Variants in MAGI2 observed in about 807,000 individuals in gnomAD.
MAGI2 encodes membrane-associated guanylate kinase, WW and PDZ domain-containing protein 2.
Under a neutral mutation model 133.3 loss-of-function variants are expected in MAGI2, and 35 were observed. The observed-to-expected ratio is 0.26, with a 90% CI of 0.20 to 0.35. The LOEUF is 0.35. MAGI2 is among the 10% of genes least tolerant of loss of function. MAGI2 has a pLI of 1.00. For missense variants in MAGI2, 1,636 were observed against 1,863.4 expected, an observed-to-expected ratio of 0.88 and a Z score of 2.25; for synonymous variants, 729 against 710.6, an observed-to-expected ratio of 1.03 and a Z score of -0.41.
In MAGI2 at chr7:78,655,750, G is replaced by A. The variant is rs528135226; in HGVS notation, c.419-28511C>T. Among the ~76,000 whole-genome samples, 63 of 152,202 alleles carry A rather than the reference G, an allele frequency of 4.1e-4. 2 individuals carry two copies. In the South Asian group the frequency reaches 0.012, roughly 29 times the overall value. Reference sequence around the variant, plus strand: ...TAATCCCAGCACTTTGGGAGGCCGAGGCGGGCGGATCACGAGGTCAGGAGA... The same window carrying A: ...TAATCCCAGCACTTTGGGAGGCCGAAGCGGGCGGATCACGAGGTCAGGAGA... On this transcript the variant is annotated intron_variant, in intron 2 of 21. Transcript: ENST00000354212.
rs567544279 is a variant in MAGI2, at chr7:79,200,477, G to A, written c.302-193271C>T. Among the ~76,000 whole-genome samples, 31 of 151,142 alleles carry A rather than the reference G, an allele frequency of 2.1e-4. No homozygotes were observed. The East Asian group carries it at 5.5e-3, about 27-fold the overall frequency. ...AAAAAAAAAATTAGCCAGATTTGGT[G>A]ACCCACACCTGTTGTCCCACCTACT... is the stretch of plus-strand genomic sequence containing the variant. On this transcript the variant is annotated intron_variant, in intron 1 of 21. Transcript: ENST00000354212.
chr7:78,847,529 T>C (rs547460738), intron 2 of MAGI2, among the ~76,000 whole-genome samples: 2 of 152,140 alleles, frequency 1.3e-5, no homozygotes, highest in South Asian at 4.1e-4. Context: ...GCAAAGTATG[T>C]GAACTGAGCC....
intron 2 of MAGI2, among the ~76,000 whole-genome samples, chr7:78,826,327 T>G (rs908939870): frequency 1.3e-4 from 17 of 134,182 alleles, no homozygotes; most frequent in Non-Finnish European, 2.1e-4. Context: ...GCACTCAGCC[T>G]AGGCGACAGA....
At chr7:78,082,502 T>C (rs80207242) in intron 20 of MAGI2, among the ~76,000 whole-genome samples, 5,176 of 152,214 alleles carry the variant, frequency 0.034, 307 homozygotes, top group African/African-American at 0.12. Flanking sequence ...CGGCTTTCCA[T>C]GTAGGGTCCC....
intron 2 of MAGI2, among the ~76,000 whole-genome samples, chr7:78,889,094 G>T (rs987773258): frequency 6.6e-6 from 1 of 152,158 alleles, no homozygotes; most frequent in African/African-American, 2.4e-5. Flanking sequence ...ACTAGCCTCA[G>T]TAGCCAATGT....
At chr7:78,471,005 C>A (rs1174771680) in intron 6 of MAGI2, among the ~76,000 whole-genome samples, 1 of 152,132 alleles carries the variant, frequency 6.6e-6, no homozygotes, top group Non-Finnish European at 1.5e-5. Flanking sequence ...CAAGTCCACA[C>A]ATATCTTGTT....
At chr7:78,550,327 C>T (rs1386382628) in intron 3 of MAGI2, among the ~76,000 whole-genome samples, 1 of 152,156 alleles carries the variant, frequency 6.6e-6, no homozygotes, top group Non-Finnish European at 1.5e-5. Flanking sequence ...TCCTATCTGC[C>T]ACTCAGCTGA....
intron 2 of MAGI2, among the ~76,000 whole-genome samples, chr7:78,872,738 T>C (rs1795132335): frequency 6.6e-6 from 1 of 152,084 alleles, no homozygotes; most frequent in African/African-American, 2.4e-5. Context: ...CTGAGGGAAA[T>C]ATTTCTGGCC....
At chr7:78,446,201 T>C (rs942362262) in intron 6 of MAGI2, among the ~76,000 whole-genome samples, 26 of 152,190 alleles carry the variant, frequency 1.7e-4, no homozygotes, top group East Asian at 1.9e-4. Context: ...TATTTATTTA[T>C]GGCAATTTTT....
chr7:79,226,498 C>T (rs1344073903), intron 1 of MAGI2, among the ~76,000 whole-genome samples: 2 of 152,080 alleles, frequency 1.3e-5, no homozygotes, highest in Admixed American at 6.5e-5. Flanking sequence ...TGGCTTCTAA[C>T]ATGAAAATAT....
intron 1 of MAGI2, among the ~76,000 whole-genome samples, chr7:79,438,331 T>G (rs1196281092): frequency 1.3e-5 from 2 of 152,060 alleles, no homozygotes; most frequent in Non-Finnish European, 2.9e-5. Flanking sequence ...AATAGGCCAT[T>G]TCTAACTTAA....
chr7:78,082,696 G>A (rs1418561939), intron 20 of MAGI2, among the ~76,000 whole-genome samples: 1 of 152,156 alleles, frequency 6.6e-6, no homozygotes, highest in Non-Finnish European at 1.5e-5. Context: ...CTAGGGGCTG[G>A]TGGTGGTTAG....
chr7:78,953,654 C>A (rs1477382077), intron 2 of MAGI2, among the ~76,000 whole-genome samples: 1 of 152,068 alleles, frequency 6.6e-6, no homozygotes, highest in Non-Finnish European at 1.5e-5. Flanking sequence ...CAAAGATTTT[C>A]TCCTCTGTCT....
At chr7:78,877,481 C>T (rs1795520076) in intron 2 of MAGI2, among the ~76,000 whole-genome samples, 2 of 152,132 alleles carry the variant, frequency 1.3e-5, no homozygotes, top group South Asian at 4.1e-4. Flanking sequence ...AAAAATGTTA[C>T]TTGTTTTTCT....
At chr7:78,589,162 C>G (rs1803725854) in intron 3 of MAGI2, among the ~76,000 whole-genome samples, 2 of 152,184 alleles carry the variant, frequency 1.3e-5, no homozygotes, top group African/African-American at 4.8e-5. Context: ...AGTAGATACT[C>G]AAAAATTCAC....
chr7:78,547,532 T>C (rs1798953867), intron 3 of MAGI2, among the ~76,000 whole-genome samples: 1 of 152,244 alleles, frequency 6.6e-6, no homozygotes, highest in South Asian at 2.1e-4. Flanking sequence ...CATTCGTTCA[T>C]TCAATTTTCC....
intron 20 of MAGI2, among the ~76,000 whole-genome samples, chr7:78,118,492 TA>T (rs1243730700): frequency 7.2e-5 from 11 of 152,052 alleles, no homozygotes; most frequent in Non-Finnish European, 7.4e-5. Flanking sequence ...AAAGAACTCT[TA>T]AAACTCAACA....
chr7:78,036,822 C>T (rs1051858794), intron 21 of MAGI2, among the ~76,000 whole-genome samples: 13 of 152,130 alleles, frequency 8.5e-5, no homozygotes, highest in Non-Finnish European at 1.8e-4. Context: ...CCATGTTGCC[C>T]AGGCTGGTCT....
intron 3 of MAGI2, among the ~76,000 whole-genome samples, chr7:78,540,885 G>A (rs1335661378): frequency 6.6e-6 from 1 of 152,204 alleles, no homozygotes; most frequent in Non-Finnish European, 1.5e-5. Flanking sequence ...GTTCCCCAGC[G>A]AGATGTGTGT....
Sources: allele counts gnomAD v4.1 joint callset (sites outside exome capture counted in the v4.1 genomes callset), GRCh38; gene constraint gnomAD v4.1.1; transcripts MANE v1.5; gene names NCBI Gene and HGNC (gene_info 2026-07-23, HGNC 2026-07-21).